The following NLRC3 variants were observed in gnomAD, a reference collection of about 807,000 sequenced individuals.
NLRC3 encodes NLR family CARD domain containing 3.
A neutral mutation model predicts 91.6 loss-of-function variants in NLRC3; 87 were observed. That is an observed-to-expected ratio of 0.95 (90% confidence interval 0.80 to 1.14). NLRC3 has a LOEUF of 1.14. Ranked by LOEUF, NLRC3 falls within the 50% of genes most tolerant of loss-of-function variation. NLRC3 has a pLI of 0.00. For synonymous variants in NLRC3, 694 were observed against 625.3 expected, an observed-to-expected ratio of 1.11 and a Z score of -1.64; for missense variants, 1,577 against 1,418.6, an observed-to-expected ratio of 1.11 and a Z score of -1.79.
At chr16:3,550,245 T>A (rs916454533) in intron 11 of NLRC3, among the ~76,000 whole-genome samples, 169 bp downstream of exon 11, 2 of 152,172 alleles carry the variant, frequency 1.3e-5, no homozygotes, top group African/African-American at 4.8e-5. Flanking sequence ...GCCCCCACTG[T>A]CTAGGGAAAT....
At position 3,573,511 on chromosome 16, in the gene NLRC3, T is replaced by C. The variant is rs554470125; in HGVS notation, c.-169+3638A>G. On this transcript the variant is annotated intron_variant, in intron 1 of 19. Transcript: ENST00000359128. Reference sequence around the variant, plus strand: ...AAGCAGTGCTACTGTCTGCCTGATATGCCAGAGGCCAGGATACGGGGTCCT... The same window carrying C: ...AAGCAGTGCTACTGTCTGCCTGATACGCCAGAGGCCAGGATACGGGGTCCT... Among the ~76,000 whole-genome samples the C allele has an allele frequency of 9.2e-5, 14 of 152,314 alleles. No homozygotes were observed. In the South Asian group the frequency reaches 2.9e-3, roughly 32 times the overall value.
intron 10 of NLRC3, 137 bp downstream of exon 10, chr16:3,552,059 A>G (rs1413033068): frequency 6.4e-6 from 4 of 628,150 alleles, no homozygotes; most frequent in African/African-American, 3.7e-5. Flanking sequence ...TCACCCATCC[A>G]TCCATCCACC....
At chr16:3,562,950 C>T (rs1596476759) in intron 5 of NLRC3, 59 bp downstream of exon 5, 21 of 1,435,294 alleles carry the variant, frequency 1.5e-5, no homozygotes, top group South Asian at 3.7e-5. Flanking sequence ...GGGGAGGGGA[C>T]GGCTTCTGCT....
Position 3,563,909 on chromosome 16 carries a change from CACAGGTGGCCTAGCGCCA to C in NLRC3, c.1010_1027del (p.Met337_Trp343delinsArg). On this transcript the variant is annotated inframe_deletion, in exon 5 of 20. Coordinates refer to ENST00000359128, the MANE Select transcript of NLRC3 (RefSeq NM_178844.4). Reference sequence around the variant, plus strand: ...ATCCTGGGGCCCCGTCCTGCTGCGCCACAGGTGGCCTAGCGCCATCCCCGTGAGCCTGCAGAAGGCTGG... The same window carrying C: ...ATCCTGGGGCCCCGTCCTGCTGCGCCTCCCCGTGAGCCTGCAGAAGGCTGG... The C allele has an allele frequency of 6.3e-7, 1 of 1,593,488 alleles. No homozygotes were observed. The highest frequency in any genetic ancestry group is 8.5e-7 in the Non-Finnish European group (1 of 1,170,980).
intron 12 of NLRC3, 57 bp from the exon 13 acceptor site, chr16:3,549,282 G>C (rs1425718196): frequency 7.7e-7 from 1 of 1,292,480 alleles, no homozygotes; most frequent in African/African-American, 1.5e-5. Flanking sequence ...GTCTGGCAAA[G>C]CCAAGCCCAG....
chr16:3,564,097 C>A lies in NLRC3; in HGVS notation c.840G>T (p.Val280=). 6.2e-7 allele frequency: 1 copy of A among 1,613,640 alleles called. No individual in the cohort carries two copies. The highest frequency in any genetic ancestry group is 1.7e-5 in the Admixed American group (1 of 60,028). The change falls in exon 5 of 20, where the codon GTG becomes GTT. Residue 280 remains valine (V), a synonymous_variant. Transcript: ENST00000359128. This position sits in a 1 kb window ranked among gnomAD's most constrained non-coding sequence, Gnocchi z 5.9. ...SASGQIPGGL[V]DRMTEIRGFN... Reference sequence around the variant, plus strand: ...AGCCCCGGATCTCCGTCATCCGGTCCACCAGGCCCCCTGGGATCTGGCCAG... The same window carrying A: ...AGCCCCGGATCTCCGTCATCCGGTCAACCAGGCCCCCTGGGATCTGGCCAG...
At position 3,563,387 on chromosome 16, in the gene NLRC3, A is replaced by G. The variant is rs747084658; in HGVS notation, c.1550T>C (p.Leu517Pro). The G allele has an allele frequency of 3.8e-6, 6 of 1,580,416 alleles. No individual in the cohort carries two copies. The highest frequency in any genetic ancestry group is 3.4e-6 in the Non-Finnish European group (4 of 1,163,968). ...GACCCTCGGAGACAAGAGGCCGGAGAGGAAGCGCAGGAACACGTCCAGCCT... is the reference window on the plus strand; with the variant it reads ...GACCCTCGGAGACAAGAGGCCGGAGGGGAAGCGCAGGAACACGTCCAGCCT... ...DGRLDVFLRF[L>P]SGLLSPRVNA... Residue 517 changes from leucine to proline, a missense_variant, in exon 5 of 20, where the codon CTC (leucine) becomes CCC (proline). By Grantham distance (98) the Leu-to-Pro change is moderately conservative. Transcript: ENST00000359128.
chr16:3,543,783 T>G, intron 16 of NLRC3: 2 of 474,202 alleles, frequency 4.2e-6, no homozygotes, highest in South Asian at 5.4e-5. Context: ...ACTCTCTAGG[T>G]GTTTGAGCCC....
rs75507622 is a variant in NLRC3, at chr16:3,547,307, C to T, written c.2771+828G>A. Among the ~76,000 whole-genome samples, 829 of 152,292 alleles carry T rather than the reference C, an allele frequency of 5.4e-3. 12 individuals carry two copies. Among genetic ancestry groups the T allele is most frequent in the African/African-American group, 0.019 (790 of 41,562 alleles). On this transcript the variant is annotated intron_variant, in intron 15 of 19. Coordinates refer to ENST00000359128, the MANE Select transcript of NLRC3 (RefSeq NM_178844.4). ...ACACCAGCCACAAAAGGCCACGTGT[C>T]GTATGATTCTATTTTTGGCCACGTA...
At position 3,563,263 on chromosome 16, in the gene NLRC3, G is replaced by C; in HGVS notation, c.1674C>G (p.Ala558=). The C allele has an allele frequency of 6.2e-7, 1 of 1,606,012 alleles. No individual in the cohort carries two copies. The highest frequency in any genetic ancestry group is 8.5e-7 in the Non-Finnish European group (1 of 1,177,856). ...ELLQGCLRPD[A]AVCARAINVL... is the part of the protein sequence containing the mutation. ...CGTTGATGGCCCGTGCACAGACTGC[G>C]GCATCGGGGCGCAGGCAGCCCTGCA... The change falls in exon 5 of 20, where the codon GCC becomes GCG. Residue 558 remains alanine, a synonymous_variant. Transcript: ENST00000359128.
At chr16:3,561,617 G>C (rs2039614707) in intron 6 of NLRC3, 85 bp downstream of exon 6, 1 of 931,130 alleles carries the variant, frequency 1.1e-6, no homozygotes, top group Non-Finnish European at 1.7e-6. Context: ...AGCGCCGCTG[G>C]CCAGCTGAGC....
At chr16:3,567,182 A>G (rs1234237687) in intron 2 of NLRC3, 61 bp downstream of exon 2, 4 of 55,534 alleles carry the variant, frequency 7.2e-5, no homozygotes, top group Non-Finnish European at 1.1e-4. Context: ...CAGCCCTCCC[A>G]CACCCAAGCT....
At chr16:3,572,009 T>C (rs183024865) in intron 1 of NLRC3, among the ~76,000 whole-genome samples, 95 of 151,804 alleles carry the variant, frequency 6.3e-4, no homozygotes, top group Non-Finnish European at 4.4e-5. Context: ...AGAAAAACTA[T>C]AAGCCAGGAG....
At chr16:3,556,174 C>G (rs146700625) in intron 8 of NLRC3, among the ~76,000 whole-genome samples, 2,469 of 149,444 alleles carry the variant, frequency 0.017, 76 homozygotes, top group African/African-American at 0.053. Flanking sequence ...ACTAAAAATA[C>G]AAAAAAATTA....
chr16:3,554,355 A>T, intron 8 of NLRC3, 30 bp from the exon 9 acceptor site: 1 of 1,553,630 alleles, frequency 6.4e-7, no homozygotes, highest in Middle Eastern at 1.7e-4. Flanking sequence ...CTCATCACTG[A>T]TGGAGCAGAA....
At position 3,540,914 on chromosome 16, in the gene NLRC3, A is replaced by G. The variant is rs939793694; in HGVS notation, c.*911T>C. The G allele has an allele frequency of 1.3e-5, 2 of 150,958 alleles. No homozygotes were observed. Among genetic ancestry groups the G allele is most frequent in the Admixed American group, 6.6e-5 (1 of 15,244 alleles). The allele number at this position is 150,958 out of a possible 1,614,324, so 9.4% of individuals were successfully genotyped here. A position where few individuals can be genotyped will look rare whatever the true frequency, so the allele number is the denominator to read the frequency against. ...CCATGTCTTTGATTTTGTAATAAAT[A>G]AAAAATGGGGCCAGGTGTGGTGGCT... On this transcript the variant is annotated 3_prime_UTR_variant, in exon 20 of 20. Coordinates refer to ENST00000359128, the MANE Select transcript of NLRC3 (RefSeq NM_178844.4).
intron 9 of NLRC3, among the ~76,000 whole-genome samples, chr16:3,552,598 C>T (rs2039073830): frequency 6.6e-6 from 1 of 152,130 alleles, no homozygotes; most frequent in African/African-American, 2.4e-5. Flanking sequence ...TGGTGCCTTA[C>T]CTGCAGTCTG....
Position 3,564,327 on chromosome 16 carries a change from G to T in NLRC3, c.610C>A (p.Pro204Thr). Residue 204 changes from proline to threonine, a missense_variant, in exon 5 of 20, where the codon CCC becomes ACC. Coordinates refer to ENST00000359128, the MANE Select transcript of NLRC3 (RefSeq NM_178844.4). The surrounding 1 kb of genome is among the most constrained non-coding windows in gnomAD (Gnocchi z 5.9). ...ICSVFPHVGE[P>T]SLAVAVPARA... The stretch of plus-strand genomic sequence containing the variant: ...GCTGGGACTGCCACCGCCAGGCTGG[G>T]CTCCCCGACGTGCGGGAAGACCGAG... 6.2e-7 allele frequency: 1 copy of T among 1,611,418 alleles called. No individual in the cohort carries two copies. The highest frequency in any genetic ancestry group is 8.5e-7 in the Non-Finnish European group (1 of 1,179,608).
rs530056179 is a variant in NLRC3, at chr16:3,553,792, A to G, written c.2267+450T>C. Among the ~76,000 whole-genome samples, 4 of 151,130 alleles carry G rather than the reference A, an allele frequency of 2.6e-5. No individual in the cohort carries two copies. In the South Asian group the frequency reaches 6.3e-4, roughly 24 times the overall value. ...AGAGTCTCGCTGTCGCCCAGGCTGG[A>G]GTGCAATGGCACGATCTCAGCTCAC... On this transcript the variant is annotated intron_variant, in intron 9 of 19. Coordinates refer to ENST00000359128, the MANE Select transcript of NLRC3 (RefSeq NM_178844.4).
Sources: gnomAD v4.1 joint callset for allele counts (sites outside exome capture counted in the v4.1 genomes callset) on GRCh38, gnomAD v4.1.1 for gene constraint, Gnocchi (gnomAD v3.1) non-coding constraint, MANE v1.5 for transcripts, NCBI Gene and HGNC (gene_info 2026-07-23, HGNC 2026-07-21) for gene names.